The following AFF3 variants were observed in gnomAD, a reference collection of about 807,000 sequenced individuals.
The protein encoded by AFF3 is AF4/FMR2 family member 3.
In AFF3, 32 loss-of-function variants were observed where a neutral mutation model predicts 129.7. The ratio of observed to expected loss-of-function variants is 0.25; its 90% CI spans 0.19 to 0.33. The LOEUF (loss-of-function observed/expected upper bound fraction) is 0.33. AFF3 is among the 10% of genes least tolerant of loss of function. The pLI, the probability that AFF3 is intolerant of heterozygous loss-of-function variation, is 1.00. For missense variants in AFF3, 1,373 were observed against 1,592.0 expected, an observed-to-expected ratio of 0.86 and a Z score of 2.34; for synonymous variants, 644 against 635.4, an observed-to-expected ratio of 1.01 and a Z score of -0.20.
rs985988945 is a variant in AFF3 at position 100,072,236 on chromosome 2, C to G, written c.53+32166G>C. Among the ~76,000 whole-genome samples, 4 of 152,092 alleles carry G rather than the reference C, an allele frequency of 2.6e-5. No individual in the cohort carries two copies. In the South Asian group the frequency reaches 8.3e-4, roughly 32 times the overall value. Reference sequence around the variant, plus strand: ...TGAGCTCCACCTCCTGTCAGATCACCGGCGGCATTAGATTCTCATAGGAGA... The same window carrying G: ...TGAGCTCCACCTCCTGTCAGATCACGGGCGGCATTAGATTCTCATAGGAGA... On this transcript the variant is annotated intron_variant, in intron 4 of 24. Coordinates refer to ENST00000672756, the MANE Select transcript of AFF3 (RefSeq NM_001386135.1).
chr2:99,584,258 G>A (rs1177972567), intron 16 of AFF3, among the ~76,000 whole-genome samples: 3 of 151,866 alleles, frequency 2.0e-5, no homozygotes, highest in East Asian at 3.9e-4. Context: ...ACTTGAGGTC[G>A]GGAGTTCGAG....
At chr2:99,642,289 C>CT (rs113114105) in intron 13 of AFF3, among the ~76,000 whole-genome samples, 2,237 of 143,992 alleles carry the variant, frequency 0.016, 40 homozygotes, top group African/African-American at 0.04. Flanking sequence ...TGGTTTTGAT[C>CT]TTTTTTTTTT....
chr2:99,628,693 A>T (rs1340371788), intron 13 of AFF3, among the ~76,000 whole-genome samples: 1 of 144,200 alleles, frequency 6.9e-6, no homozygotes, highest in Non-Finnish European at 1.5e-5. Context: ...AGTAGCTGGG[A>T]TTACAGGCAC....
chr2:99,834,803 T>C (rs896173973), intron 8 of AFF3, among the ~76,000 whole-genome samples: 3 of 152,180 alleles, frequency 2.0e-5, no homozygotes, highest in Non-Finnish European at 4.4e-5. Context: ...ATTCCTTCCC[T>C]TAGTCTCTAA....
chr2:99,948,484 T>C (rs73964373), intron 7 of AFF3, among the ~76,000 whole-genome samples: 3,193 of 152,338 alleles, frequency 0.021, 58 homozygotes, highest in Middle Eastern at 0.051. Flanking sequence ...TTTTCTTTGA[T>C]GTTTTATTCT....
chr2:99,593,729 G>C lies in AFF3; in HGVS notation c.1932C>G (p.Ser644=). 6.2e-7 allele frequency: 1 copy of C among 1,612,682 alleles called. No individual in the cohort carries two copies. The highest frequency in any genetic ancestry group is 8.5e-7 in the Non-Finnish European group (1 of 1,179,554). The change falls in exon 15 of 25, where the codon TCC becomes TCG. Residue 644 remains serine, a synonymous_variant. Transcript: ENST00000672756. ...GCGTGCGGCGCTTCTCGCAGGTCAC[G>C]GAGGAGCGCAGCTCCTTGCGGTGGC... The part of the protein sequence containing the change: ...RASHRKELRS[S]VTCEKRRTRG...
chr2:99,994,804 T>G (rs144670054), intron 7 of AFF3, among the ~76,000 whole-genome samples: 113 of 152,310 alleles, frequency 7.4e-4, no homozygotes, highest in African/African-American at 2.6e-3. Flanking sequence ...TATTCTTTAT[T>G]TTTGTCACTG....
intron 8 of AFF3, among the ~76,000 whole-genome samples, chr2:99,777,947 C>CAAAAAAAAAAAACAAAAAAA (rs1684052521): frequency 2.1e-5 from 1 of 48,340 alleles, no homozygotes. Context: ...AAAGCAAAAG[C>CAAAAAAAAAAAACAAAAAAA]AAAAAAAAAA....
intron 8 of AFF3, among the ~76,000 whole-genome samples, chr2:99,765,288 G>A (rs1245033306): frequency 6.6e-6 from 1 of 152,184 alleles, no homozygotes; most frequent in Non-Finnish European, 1.5e-5. Context: ...GAAGACTGTG[G>A]AGGCTGGAAG....
At chr2:100,082,685 G>A (rs1051487237) in intron 4 of AFF3, among the ~76,000 whole-genome samples, 1 of 152,110 alleles carries the variant, frequency 6.6e-6, no homozygotes, top group Non-Finnish European at 1.5e-5. Flanking sequence ...GATATGTGAA[G>A]CTATTTAGTC....
intron 12 of AFF3, among the ~76,000 whole-genome samples, chr2:99,656,067 G>T (rs960324913): frequency 6.6e-6 from 1 of 152,210 alleles, no homozygotes; most frequent in Non-Finnish European, 1.5e-5. Flanking sequence ...AGGGGGCAAA[G>T]GCAGAATTGA....
At chr2:99,812,861 C>A (rs1257299088) in intron 8 of AFF3, among the ~76,000 whole-genome samples, 1 of 152,082 alleles carries the variant, frequency 6.6e-6, no homozygotes, top group Non-Finnish European at 1.5e-5. Context: ...AAACAGAATT[C>A]TTTAGCATAT....
intron 8 of AFF3, among the ~76,000 whole-genome samples, chr2:99,819,489 C>A (rs779366932): frequency 1.2e-4 from 18 of 152,126 alleles, no homozygotes; most frequent in Non-Finnish European, 2.2e-4. Flanking sequence ...AGTCATTAGT[C>A]CCAAAATAAA....
intron 7 of AFF3, among the ~76,000 whole-genome samples, chr2:99,937,831 T>C (rs1362886591): frequency 6.6e-6 from 1 of 152,346 alleles, no homozygotes; most frequent in South Asian, 2.1e-4. Flanking sequence ...GGGAAGAATG[T>C]CCTGGAACAT....
At chr2:100,041,397 G>A (rs556078820) in intron 4 of AFF3, among the ~76,000 whole-genome samples, 2 of 152,276 alleles carry the variant, frequency 1.3e-5, no homozygotes, top group South Asian at 2.1e-4. Context: ...GTGCTAAGTC[G>A]CCTAATCTTC....
Position 99,554,676 on chromosome 2 carries a change from A to G in AFF3, c.3335+7T>C, listed in dbSNP as rs1237796683. 6.2e-7 allele frequency: 1 copy of G among 1,614,176 alleles called. No homozygotes were observed. Among genetic ancestry groups the G allele is most frequent in the Admixed American group, 1.7e-5 (1 of 60,016 alleles). On this transcript the variant is annotated splice_region_variant and intron_variant, in intron 23 of 24. Transcript: ENST00000672756. ...TTACGGCATTGACTTTGGAAAAGCG[A>G]ACTTACTTTCCACTGGCCCCCCACG...
intron 8 of AFF3, among the ~76,000 whole-genome samples, chr2:99,799,859 T>C (rs1685807216): frequency 6.6e-6 from 1 of 152,130 alleles, no homozygotes; most frequent in Non-Finnish European, 1.5e-5. Context: ...GAAAGGACAG[T>C]ATTTCAACAA....
chr2:99,894,784 C>T (rs1273475269), intron 7 of AFF3, among the ~76,000 whole-genome samples: 2 of 152,080 alleles, frequency 1.3e-5, no homozygotes, highest in African/African-American at 4.8e-5. Context: ...CAGGAAAATA[C>T]TTTTAAAATG....
intron 7 of AFF3, among the ~76,000 whole-genome samples, chr2:99,851,570 A>G (rs1412681139): frequency 6.6e-6 from 1 of 152,210 alleles, no homozygotes; most frequent in African/African-American, 2.4e-5. Context: ...GGTGGGAAAC[A>G]TAAACCCATA....
Sources: gnomAD v4.1 joint callset for allele counts (sites outside exome capture counted in the v4.1 genomes callset) on GRCh38, gnomAD v4.1.1 for gene constraint, MANE v1.5 for transcripts, NCBI Gene and HGNC (gene_info 2026-07-23, HGNC 2026-07-21) for gene names.